RAB18: variants seen among roughly 807,000 people sequenced by gnomAD.
RAB18 encodes ras-related protein Rab-18.
RAB18 carries 10 observed loss-of-function variants against 28.5 expected under a neutral mutation model. That is an observed-to-expected ratio of 0.35 (90% CI 0.22 to 0.60). The LOEUF (loss-of-function observed/expected upper bound fraction) is 0.60, where lower values mean the gene tolerates loss of function less well. Among genes scored for constraint, RAB18 ranks in the 20% least tolerant of loss-of-function variants. The pLI is 0.78. For missense variants in RAB18, 188 were observed against 244.2 expected (o/e 0.77, Z 1.53); for synonymous variants, 93 against 86.9 (o/e 1.07, Z -0.39).
At chr10:27,528,212 G>T (rs1053644249) in intron 3 of RAB18, 4 of 423,324 alleles carry the variant, frequency 9.4e-6, no homozygotes, top group African/African-American at 4.2e-5. Context: ...TCATAGTTTC[G>T]TTTTGTTTTA....
Position 27,537,885 on chromosome 10 carries a change from C to CA in RAB18, c.460dup (p.Thr154AsnfsTer3). ...TTTCCTTGAATTTCAGAGGCAAGTG[C>CA]AAAAACCTGTGATGGTGTACAATGT... On this transcript the variant is annotated frameshift_variant, in exon 7 of 7. Transcript: ENST00000356940. LOFTEE classifies it high-confidence loss of function. 6.2e-7 allele frequency: 1 copy of CA among 1,613,932 alleles called. No individual in the cohort carries two copies. Among genetic ancestry groups the CA allele is most frequent in the Non-Finnish European group, 8.5e-7 (1 of 1,179,944 alleles).
At chr10:27,526,991 G>A (rs779422449) in intron 3 of RAB18, 102 bp downstream of exon 3, 3 of 1,240,236 alleles carry the variant, frequency 2.4e-6, no homozygotes, top group Non-Finnish European at 2.4e-6. Context: ...TGAACAATTT[G>A]TATTAAATAA....
At chr10:27,508,398 T>C (rs1443100518) in intron 1 of RAB18, among the ~76,000 whole-genome samples, 2 of 150,612 alleles carry the variant, frequency 1.3e-5, no homozygotes, top group East Asian at 3.9e-4. Flanking sequence ...ATCATTATTG[T>C]ATTATTATTA....
At chr10:27,520,916 CAAAAAAAAAAA>C (rs58688075) in intron 2 of RAB18, among the ~76,000 whole-genome samples, 4 of 40,096 alleles carry the variant, frequency 1.0e-4, no homozygotes, top group Admixed American at 4.3e-4. Flanking sequence ...GACTCCATCT[CAAAAAAAAAAA>C]AAAAAAAAAA....
chr10:27,521,978 C>G (rs1834568601), intron 2 of RAB18, among the ~76,000 whole-genome samples: 1 of 151,892 alleles, frequency 6.6e-6, no homozygotes, highest in Non-Finnish European at 1.5e-5. Flanking sequence ...CAGACCTCAT[C>G]CTTATGTGTT....
chr10:27,529,486 C>T (rs1478023477), intron 3 of RAB18, among the ~76,000 whole-genome samples: 1 of 151,932 alleles, frequency 6.6e-6, no homozygotes, highest in Non-Finnish European at 1.5e-5. Flanking sequence ...GCCCCTCCTA[C>T]CTCCTGAAAG....
intron 4 of RAB18, among the ~76,000 whole-genome samples, chr10:27,533,131 T>G (rs1171641365): frequency 6.6e-6 from 1 of 152,088 alleles, no homozygotes; most frequent in African/African-American, 2.4e-5. Flanking sequence ...GAATTCTCTT[T>G]TTTTAAATAT....
intron 2 of RAB18, among the ~76,000 whole-genome samples, chr10:27,521,913 G>T (rs1029034851): frequency 1.3e-5 from 2 of 152,074 alleles, no homozygotes; most frequent in African/African-American, 4.8e-5. Flanking sequence ...ATGTGCTCTG[G>T]TTCTGCAGGG....
intron 1 of RAB18, among the ~76,000 whole-genome samples, chr10:27,507,881 A>C (rs957004932): frequency 6.6e-6 from 1 of 151,988 alleles, no homozygotes; most frequent in African/African-American, 2.4e-5. Context: ...CTAAAAAAAT[A>C]AAAATAAAAA....
chr10:27,514,757 G>GT (rs954599218), intron 2 of RAB18, among the ~76,000 whole-genome samples: 2 of 151,592 alleles, frequency 1.3e-5, no homozygotes, highest in South Asian at 2.1e-4. Flanking sequence ...AAAATTGCAA[G>GT]TTTTTTTGTT....
In RAB18 at chr10:27,540,399, C is replaced by A; in HGVS notation, c.*2348C>A. ...CTTCTGAGCCCATACTCTTCACCATCGCTCATTTTACAATGGGTAGTTAGT... is the reference window on the plus strand; with the variant it reads ...CTTCTGAGCCCATACTCTTCACCATAGCTCATTTTACAATGGGTAGTTAGT... On this transcript the variant is annotated 3_prime_UTR_variant, in exon 7 of 7. Coordinates refer to ENST00000356940, the MANE Select transcript of RAB18 (RefSeq NM_021252.5). The A allele has an allele frequency of 2.2e-6, 1 of 454,074 alleles. No homozygotes were observed. The highest frequency in any genetic ancestry group is 1.6e-5 in the South Asian group (1 of 64,476). 28.1% of individuals were successfully genotyped at this position (454,074 alleles called of 1,614,324 possible).
chr10:27,508,183 A>G (rs1441920850), intron 1 of RAB18, among the ~76,000 whole-genome samples: 1 of 152,228 alleles, frequency 6.6e-6, no homozygotes, highest in Non-Finnish European at 1.5e-5. Context: ...TTTTTGGGCT[A>G]CCAGGGTACC....
rs1222913355 is a variant in RAB18 at position 27,541,465 on chromosome 10, A to T, written c.*3414A>T. 2.2e-6 allele frequency: 1 copy of T among 453,712 alleles called. No homozygotes were observed. Among genetic ancestry groups the T allele is most frequent in the Middle Eastern group, 6.9e-4 (1 of 1,444 alleles). 28.1% of individuals were successfully genotyped at this position (453,712 alleles called of 1,614,324 possible). On this transcript the variant is annotated 3_prime_UTR_variant, in exon 7 of 7. Coordinates refer to ENST00000356940, the MANE Select transcript of RAB18 (RefSeq NM_021252.5). Reference sequence around the variant, plus strand: ...CTAGCTTATTGTTTCATACTTGGGAATCAGTCATGTTTCTGATTGTGGTAT... The same window carrying T: ...CTAGCTTATTGTTTCATACTTGGGATTCAGTCATGTTTCTGATTGTGGTAT...
intron 6 of RAB18, among the ~76,000 whole-genome samples, chr10:27,534,476 C>T (rs532835229): frequency 1.7e-4 from 26 of 152,344 alleles, no homozygotes; most frequent in Admixed American, 1.6e-3. Flanking sequence ...CTGGCCCCAC[C>T]ATTTGTATTG....
At chr10:27,506,031 C>T (rs530093489) in intron 1 of RAB18, among the ~76,000 whole-genome samples, 1 of 152,308 alleles carries the variant, frequency 6.6e-6, no homozygotes, top group African/African-American at 2.4e-5. Flanking sequence ...TATTATTGCA[C>T]ATACATATTT....
Position 27,526,684 on chromosome 10 carries a change from T to C in RAB18, c.125-144T>C, listed in dbSNP as rs1326605044. On this transcript the variant is annotated intron_variant, in intron 2 of 6. Transcript: ENST00000356940. Reference sequence around the variant, plus strand: ...GATCCTGGATTTTAATGACACTTTTTATCTCCACATCCAGAATTCTAAGAA... The same window carrying C: ...GATCCTGGATTTTAATGACACTTTTCATCTCCACATCCAGAATTCTAAGAA... 7 of 955,976 alleles carry C rather than the reference T, an allele frequency of 7.3e-6. No homozygotes were observed. In the Middle Eastern group the frequency reaches 9.8e-4, roughly 134 times the overall value. 59.2% of individuals were successfully genotyped at this position (955,976 alleles called of 1,614,324 possible).
chr10:27,537,145 T>G (rs1330521557), intron 6 of RAB18, among the ~76,000 whole-genome samples: 1 of 152,208 alleles, frequency 6.6e-6, no homozygotes, highest in Non-Finnish European at 1.5e-5. Context: ...TTATCCATTC[T>G]CACAGGAGGG....
intron 2 of RAB18, among the ~76,000 whole-genome samples, chr10:27,520,686 G>A (rs2132387120): frequency 6.6e-6 from 1 of 151,932 alleles, no homozygotes; most frequent in South Asian, 2.1e-4. Context: ...GGCGTCCAAG[G>A]CAGGCAGATT....
chr10:27,516,186 G>A (rs953605617), intron 2 of RAB18, among the ~76,000 whole-genome samples: 3 of 152,028 alleles, frequency 2.0e-5, no homozygotes, highest in Non-Finnish European at 4.4e-5. Flanking sequence ...GTGTTCCATA[G>A]GTTTTGGTAT....
Sources: gnomAD v4.1 joint callset for allele counts (sites outside exome capture counted in the v4.1 genomes callset) on GRCh38, gnomAD v4.1.1 for gene constraint, MANE v1.5 for transcripts, NCBI Gene and HGNC (gene_info 2026-07-23, HGNC 2026-07-21) for gene names.